Variants in ZNF469 observed in about 807,000 individuals in gnomAD.
The protein encoded by ZNF469 is zinc finger protein 469.
A neutral mutation model predicts 1.0 loss-of-function variants in ZNF469; 1 was observed. That is an observed-to-expected ratio of 1.00 (90% CI 0.35 to 4.73). The LOEUF is 4.73. Ranked by LOEUF, ZNF469 falls within the 30% of genes most tolerant of loss-of-function variation. ZNF469 has a pLI of 0.16. For missense variants in ZNF469, 6,100 were observed against 5,356.3 expected (o/e 1.14, Z -4.33); for synonymous variants, 2,703 against 2,363.4 (o/e 1.14, Z -4.17).
At chr16:88,188,715 A>G in the ZNF469 span, among the ~76,000 whole-genome samples, 2 of 152,156 alleles carry the variant, frequency 1.3e-5, no homozygotes. Context: ...ATCCCAGTCC[A>G]GGCTAGCTGC....
chr16:88,204,221 C>A, the ZNF469 span, among the ~76,000 whole-genome samples: 2 of 143,224 alleles, frequency 1.4e-5, no homozygotes, highest in African/African-American at 5.2e-5. Context: ...AAGCGGGAGG[C>A]GCCCCGTAAC....
At chr16:88,314,637 T>C in the ZNF469 span, among the ~76,000 whole-genome samples, 1 of 151,446 alleles carries the variant, frequency 6.6e-6, no homozygotes, top group Non-Finnish European at 1.5e-5. Context: ...GACTGTCATC[T>C]CTGTAATTCA....
At position 88,427,289 on chromosome 16, in the gene ZNF469, C is replaced by G. The variant is rs888677530; in HGVS notation, c.-126-56C>G. On this transcript the variant is annotated intron_variant, in intron 2 of 2. Coordinates refer to ENST00000565624, the MANE Select transcript of ZNF469 (RefSeq NM_001367624.2). ...CATGGAGAGCCTAGAAGCTCCCTGT[C>G]TAGGCGAGGGCCACCCAGCCCCTCT... 3.5e-4 allele frequency among the ~76,000 whole-genome samples: 53 copies of G among 152,176 alleles called. 1 individual carries two copies. The highest frequency in any genetic ancestry group is 5.9e-5 in the Non-Finnish European group (4 of 68,002).
Position 88,430,945 on chromosome 16 carries a change from G to T in ZNF469, c.3475G>T (p.Gly1159Cys), listed in dbSNP as rs2142304173. The T allele has an allele frequency of 6.5e-7, 1 of 1,535,818 alleles. No homozygotes were observed. The highest frequency in any genetic ancestry group is 8.7e-7 in the Non-Finnish European group (1 of 1,145,018). Residue 1159 changes from glycine (G) to cysteine (C), a missense_variant, in exon 3 of 3, where the codon GGC becomes TGC. By Grantham distance (159) the Gly-to-Cys change is radical. Transcript: ENST00000565624. ...AGCCCCCGCGAACCCCGAGGAGCCGGGCGGGTCTCGCCCGGGCCCCGGCAG... is the reference window on the plus strand; with the variant it reads ...AGCCCCCGCGAACCCCGAGGAGCCGTGCGGGTCTCGCCCGGGCCCCGGCAG... ...DGAPANPEEP[G>C]GSRPGPGRSP... is the part of the protein sequence containing the mutation.
the ZNF469 span, among the ~76,000 whole-genome samples, chr16:88,377,099 C>T: frequency 6.6e-6 from 1 of 152,244 alleles, no homozygotes; most frequent in Non-Finnish European, 1.5e-5. Context: ...GGGACTCGAC[C>T]CAGAGCCCAC....
chr16:88,425,891 A>G (rs529622253), intron 2 of ZNF469, among the ~76,000 whole-genome samples: 1 of 152,242 alleles, frequency 6.6e-6, no homozygotes, highest in African/African-American at 2.4e-5. Context: ...TGGAGTTTGC[A>G]GGCTGGGACC....
At chr16:88,335,371 C>T in the ZNF469 span, among the ~76,000 whole-genome samples, 5 of 152,206 alleles carry the variant, frequency 3.3e-5, no homozygotes, top group Non-Finnish European at 5.9e-5. Context: ...TGGATGAGGG[C>T]CACTCCGGGG....
At chr16:88,332,173 T>C in the ZNF469 span, among the ~76,000 whole-genome samples, 2 of 152,224 alleles carry the variant, frequency 1.3e-5, no homozygotes, top group Non-Finnish European at 2.9e-5. Flanking sequence ...AAGGAATCTT[T>C]CAGAAATAAA....
chr16:88,394,415 G>A (rs1904596148), intron 1 of ZNF469, among the ~76,000 whole-genome samples: 2 of 152,224 alleles, frequency 1.3e-5, no homozygotes, highest in Non-Finnish European at 1.5e-5. Flanking sequence ...CATTTAGCCC[G>A]GCATAACCGC....
chr16:88,196,571 G>A, the ZNF469 span, among the ~76,000 whole-genome samples: 1 of 152,210 alleles, frequency 6.6e-6, no homozygotes, highest in East Asian at 1.9e-4. Flanking sequence ...GTTTGGTGGA[G>A]TGGTGTCCAC....
chr16:88,259,951 A>T, the ZNF469 span, among the ~76,000 whole-genome samples: 2 of 152,102 alleles, frequency 1.3e-5, no homozygotes, highest in Admixed American at 1.3e-4. This position sits in a 1 kb window ranked among gnomAD's most constrained non-coding sequence, Gnocchi z 4.1. Context: ...TTAGAATAAA[A>T]AGATAAAAAG....
At chr16:88,328,172 C>G in the ZNF469 span, among the ~76,000 whole-genome samples, 1 of 152,262 alleles carries the variant, frequency 6.6e-6, no homozygotes, top group Admixed American at 6.5e-5. Context: ...CCCGGGGCTG[C>G]TGTGCAGGCA....
rs1041776692 is a variant in ZNF469 at position 88,438,870 on chromosome 16, G to A, written c.11400G>A (p.Gly3800=). ...GGCCAAGGGAAGCTGGTGAGCAGGGGCCCCACGGGAGCCTAGGTCCCAAGG... is the reference window on the plus strand; with the variant it reads ...GGCCAAGGGAAGCTGGTGAGCAGGGACCCCACGGGAGCCTAGGTCCCAAGG... The part of the protein sequence containing the change: ...TKGPREAGEQ[G]PHGSLGPKEK... Residue 3800 remains glycine (G), a synonymous_variant, in exon 3 of 3, where the codon GGG becomes GGA. Transcript: ENST00000565624. The A allele has an allele frequency of 1.8e-5, 28 of 1,550,380 alleles. No individual in the cohort carries two copies. The African/African-American group carries it at 3.3e-4, about 18-fold the overall frequency.
chr16:88,370,456 C>T, the ZNF469 span, among the ~76,000 whole-genome samples: 3 of 152,104 alleles, frequency 2.0e-5, no homozygotes, highest in African/African-American at 7.2e-5. Flanking sequence ...TGCTCACTGT[C>T]CCCCCAGTCA....
the ZNF469 span, among the ~76,000 whole-genome samples, chr16:88,349,778 C>CT: frequency 1.4e-4 from 1 of 7,022 alleles, no homozygotes; most frequent in Non-Finnish European, 3.0e-4. Context: ...CACACCAACA[C>CT]AAGTGCACAC....
the ZNF469 span, among the ~76,000 whole-genome samples, chr16:88,131,229 A>C: frequency 1.3e-5 from 2 of 152,240 alleles, no homozygotes; most frequent in Non-Finnish European, 2.9e-5. Context: ...CCGTTGAATA[A>C]ATTTCAAAAG....
chr16:88,215,383 A>ACT, the ZNF469 span, among the ~76,000 whole-genome samples: 214 of 94,162 alleles, frequency 2.3e-3, 23 homozygotes, highest in South Asian at 3.5e-3. Flanking sequence ...TTGCCTTTTA[A>ACT]TTTTTTTTTT....
the ZNF469 span, among the ~76,000 whole-genome samples, chr16:88,296,462 C>CA: frequency 6.0e-5 from 9 of 149,252 alleles, no homozygotes; most frequent in East Asian, 1.2e-3. Context: ...ACCCTCCCCC[C>CA]CACACACAGT....
chr16:88,279,796 T>A, the ZNF469 span, among the ~76,000 whole-genome samples: 1 of 115,340 alleles, frequency 8.7e-6, no homozygotes, highest in African/African-American at 3.0e-5. Context: ...TGTGCCACGC[T>A]GACACTCGGT....
Sources: gnomAD v4.1 joint callset for allele counts (sites outside exome capture counted in the v4.1 genomes callset) on GRCh38, gnomAD v4.1.1 for gene constraint, Gnocchi (gnomAD v3.1) non-coding constraint, MANE v1.5 for transcripts, NCBI Gene and HGNC (gene_info 2026-07-23, HGNC 2026-07-21) for gene names.